PMF1: variants seen among roughly 807,000 people sequenced by gnomAD.
PMF1 encodes the protein polyamine modulated factor 1.
PMF1 carries 21 observed loss-of-function variants against 26.7 expected under a neutral mutation model. The ratio of observed to expected loss-of-function variants is 0.79; its 90% CI spans 0.56 to 1.13. The LOEUF is 1.13. PMF1 is among the 50% of genes most tolerant of loss of function. The probability of loss-of-function intolerance (pLI) is 0.00; values close to 1 mark genes in which losing one functional copy is unlikely to be tolerated. For synonymous variants in PMF1, 105 were observed against 101.0 expected, an observed-to-expected ratio of 1.04 and a Z score of -0.24; for missense variants, 266 against 254.9, an observed-to-expected ratio of 1.04 and a Z score of -0.30.
intron 1 of PMF1, among the ~76,000 whole-genome samples, chr1:156,219,336 C>A (rs1403189171): frequency 2.6e-5 from 4 of 152,136 alleles, no homozygotes; most frequent in African/African-American, 9.7e-5. Flanking sequence ...TTTAATCTGG[C>A]TGGATTAAGG....
intron 1 of PMF1, among the ~76,000 whole-genome samples, chr1:156,222,158 G>A (rs1328384083): frequency 2.0e-5 from 3 of 152,186 alleles, no homozygotes; most frequent in African/African-American, 2.4e-5. Flanking sequence ...AGTCAGGGCC[G>A]TGGGAGTACA....
chr1:156,222,682 G>A (rs1313249990), intron 1 of PMF1, among the ~76,000 whole-genome samples: 1 of 150,836 alleles, frequency 6.6e-6, no homozygotes, highest in East Asian at 1.9e-4. Context: ...GCTCCCAGCC[G>A]AATACAGACT....
Position 156,239,565 on chromosome 1 carries a change from G to C in PMF1, c.582G>C (p.Gln194His). Residue 194 changes from glutamine (Q) to histidine (H), a missense_variant, in exon 5 of 5, where the codon CAG becomes CAC. Coordinates refer to ENST00000368277, the MANE Select transcript of PMF1 (RefSeq NM_007221.4). ...QQAWQALHRE[Q>H]RELVAVLREP... Reference sequence around the variant, plus strand: ...GATTTCAGGCTCTACACAGAGAACAGAGGGAGCTGGTTGCTGTGCTGAGGG... The same window carrying C: ...GATTTCAGGCTCTACACAGAGAACACAGGGAGCTGGTTGCTGTGCTGAGGG... The C allele has an allele frequency of 1.2e-6, 2 of 1,613,232 alleles. No individual in the cohort carries two copies. Among genetic ancestry groups the C allele is most frequent in the Non-Finnish European group, 1.7e-6 (2 of 1,179,916 alleles).
intron 1 of PMF1, among the ~76,000 whole-genome samples, chr1:156,224,234 G>A (rs182688770): frequency 1.3e-5 from 2 of 152,278 alleles, no homozygotes; most frequent in Non-Finnish European, 1.5e-5. Context: ...GTTGTATAAT[G>A]ATCCAATCAG....
chr1:156,233,646 A>C lies in PMF1; in HGVS notation c.286A>C (p.Lys96Gln). Reference protein sequence around the residue: ...TSIREEISDIKEEGNLEAVLN... With the variant: ...TSIREEISDIQEEGNLEAVLN... ...TCTTCAGGAGGAAATCTCTGACATC[A>C]AAGAGGAGGGGAACCTAGAAGCTGT... The change falls in exon 3 of 5, where the codon AAA (lysine) becomes CAA (glutamine). Residue 96 changes from lysine (K) to glutamine (Q), a missense_variant. Transcript: ENST00000368277. 1 of 1,614,020 alleles carries C rather than the reference A, an allele frequency of 6.2e-7. No homozygotes were observed. The highest frequency in any genetic ancestry group is 1.3e-5 in the African/African-American group (1 of 75,030).
At chr1:156,213,789 G>C (rs890707042) in intron 1 of PMF1, among the ~76,000 whole-genome samples, 2 of 152,208 alleles carry the variant, frequency 1.3e-5, no homozygotes, top group African/African-American at 2.4e-5. Flanking sequence ...GCCTAGGACA[G>C]GACCTGACAC....
Position 156,232,536 on chromosome 1 carries a change from A to G in PMF1, c.267+111A>G. ...CTACACCTCTGTCTCCTCAGCCCCTAGAGCTGTCCTGGGTGCCCAGCAGGC... is the reference window on the plus strand; with the variant it reads ...CTACACCTCTGTCTCCTCAGCCCCTGGAGCTGTCCTGGGTGCCCAGCAGGC... On this transcript the variant is annotated intron_variant, in intron 2 of 4. Transcript: ENST00000368277. 7.9e-6 allele frequency: 8 copies of G among 1,015,724 alleles called. No individual in the cohort carries two copies. In the South Asian group the frequency reaches 1.2e-4, roughly 15 times the overall value. The allele number at this position is 1,015,724 out of a possible 1,614,324, so 62.9% of individuals were successfully genotyped here.
intron 1 of PMF1, among the ~76,000 whole-genome samples, chr1:156,231,958 C>T (rs1658736311): frequency 6.6e-6 from 1 of 152,210 alleles, no homozygotes; most frequent in Admixed American, 6.5e-5. Flanking sequence ...ATCCAAGTCC[C>T]TCAGGGCACT....
chr1:156,232,457 G>A (rs1395665246), intron 2 of PMF1, 32 bp downstream of exon 2: 1 of 1,607,086 alleles, frequency 6.2e-7, no homozygotes. Context: ...AGGTGCTGTT[G>A]ACTTGGGTTC....
At chr1:156,214,616 G>T (rs1348126037) in intron 1 of PMF1, among the ~76,000 whole-genome samples, 1 of 152,024 alleles carries the variant, frequency 6.6e-6, no homozygotes, top group Non-Finnish European at 1.5e-5. Flanking sequence ...AGTGACTCAT[G>T]CCTGTAATCC....
chr1:156,233,738 G>C lies in PMF1; in HGVS notation c.368+10G>C. 2 of 1,612,436 alleles carry C rather than the reference G, an allele frequency of 1.2e-6. No individual in the cohort carries two copies. Among genetic ancestry groups the C allele is most frequent in the Non-Finnish European group, 1.7e-6 (2 of 1,179,088 alleles). ...GCAAAGAGCCAGCCTGGTGAGAGTG[G>C]GGTGGGGAGGTGAGAAGGTACAGGA... is the stretch of plus-strand genomic sequence containing the variant. On this transcript the variant is annotated intron_variant, in intron 3 of 4. Coordinates refer to ENST00000368277, the MANE Select transcript of PMF1 (RefSeq NM_007221.4).
At chr1:156,215,877 T>G (rs1657667357) in intron 1 of PMF1, among the ~76,000 whole-genome samples, 1 of 152,026 alleles carries the variant, frequency 6.6e-6, no homozygotes, top group Non-Finnish European at 1.5e-5. Flanking sequence ...TTAGTAGAGA[T>G]GGGGTTTTGC....
At position 156,213,098 on chromosome 1, in the gene PMF1, C is replaced by A. The variant is rs779418661; in HGVS notation, c.83C>A (p.Pro28His). The change falls in exon 1 of 5, where the codon CCC (proline) becomes CAC (histidine). Residue 28 changes from proline to histidine, a missense_variant. Pro to His is a moderately conservative substitution (Grantham distance 77). Transcript: ENST00000368277. ...HEGSSSESVP[P>H]GTTISRVKLL... ...GGGTCGTCTTCGGAATCTGTGCCAC[C>A]CGGCACTACCATTTCGAGGGTGAAG... 1 of 1,614,244 alleles carries A rather than the reference C, an allele frequency of 6.2e-7. No homozygotes were observed. The highest frequency in any genetic ancestry group is 1.1e-5 in the South Asian group (1 of 91,088).
At chr1:156,225,534 C>T (rs1167322993) in intron 1 of PMF1, 1 of 1,403,090 alleles carries the variant, frequency 7.1e-7, no homozygotes. Context: ...GTTTTGTTCT[C>T]AGCCTGTTTG....
chr1:156,224,961 G>A (rs932808231), intron 1 of PMF1, among the ~76,000 whole-genome samples: 13 of 150,860 alleles, frequency 8.6e-5, no homozygotes, highest in South Asian at 4.2e-4. Context: ...GGGCAGTGGC[G>A]CCATCTTGGC....
intron 1 of PMF1, among the ~76,000 whole-genome samples, chr1:156,225,282 CTT>C (rs58481427): frequency 3.4e-3 from 247 of 71,700 alleles, no homozygotes; most frequent in African/African-American, 0.011. Flanking sequence ...CAGTCCTCAG[CTT>C]TTTTTTTTTT....
intron 3 of PMF1, among the ~76,000 whole-genome samples, 154 bp from the exon 4 acceptor site, chr1:156,236,134 C>T (rs923331578): frequency 2.0e-5 from 3 of 152,132 alleles, no homozygotes; most frequent in African/African-American, 7.2e-5. Flanking sequence ...AGGAACAGGT[C>T]TTGGGAGGTG....
At chr1:156,228,355 T>C (rs894644693) in intron 1 of PMF1, among the ~76,000 whole-genome samples, 3 of 139,274 alleles carry the variant, frequency 2.2e-5, no homozygotes, top group Admixed American at 7.7e-5. Flanking sequence ...ATTCAAAACA[T>C]TCCCAATTCT....
At chr1:156,216,615 G>A (rs1367376698) in intron 1 of PMF1, among the ~76,000 whole-genome samples, 2 of 151,754 alleles carry the variant, frequency 1.3e-5, no homozygotes, top group Non-Finnish European at 2.9e-5. Context: ...TCCCGGTGCC[G>A]GCCCGGGTCC....
Sources: gnomAD v4.1 joint callset for allele counts (sites outside exome capture counted in the v4.1 genomes callset) on GRCh38, gnomAD v4.1.1 for gene constraint, MANE v1.5 for transcripts, NCBI Gene and HGNC (gene_info 2026-07-23, HGNC 2026-07-21) for gene names.